Variants in PPFIBP1 observed in about 807,000 individuals in gnomAD.
The protein encoded by PPFIBP1 is liprin-beta-1.
Under a neutral mutation model 137.8 loss-of-function variants are expected in PPFIBP1, and 112 were observed. That is an observed-to-expected ratio of 0.81 (90% confidence interval 0.70 to 0.95). The LOEUF is 0.95. PPFIBP1 is among the 40% of genes least tolerant of loss of function. The pLI, the probability that PPFIBP1 is intolerant of heterozygous loss-of-function variation, is 0.00. For missense variants in PPFIBP1, 1,083 were observed against 1,196.6 expected, an observed-to-expected ratio of 0.91 and a Z score of 1.40; for synonymous variants, 378 against 417.3, an observed-to-expected ratio of 0.91 and a Z score of 1.15.
chr12:27,615,249 G>A (rs577017684), intron 2 of PPFIBP1, among the ~76,000 whole-genome samples: 2 of 152,146 alleles, frequency 1.3e-5, no homozygotes, highest in Non-Finnish European at 2.9e-5. Flanking sequence ...TTCCCGTGTC[G>A]CATGTTTTCA....
At chr12:27,634,013 T>G (rs1206511378) in intron 3 of PPFIBP1, among the ~76,000 whole-genome samples, 2 of 151,838 alleles carry the variant, frequency 1.3e-5, no homozygotes, top group Non-Finnish European at 2.9e-5. Flanking sequence ...ATTTTTGTAT[T>G]TTTAGTAGAG....
At chr12:27,615,785 GCAGGGT>G (rs1555215708) in intron 2 of PPFIBP1, among the ~76,000 whole-genome samples, 1 of 152,110 alleles carries the variant, frequency 6.6e-6, no homozygotes, top group Non-Finnish European at 1.5e-5. Flanking sequence ...TGTCCACAGG[GCAGGGT>G]CAGGGACCAG....
At chr12:27,611,916 A>G (rs1379025095) in intron 2 of PPFIBP1, among the ~76,000 whole-genome samples, 6 of 152,150 alleles carry the variant, frequency 3.9e-5, no homozygotes, top group South Asian at 2.1e-4. Flanking sequence ...TTCCCCCTCA[A>G]GTCCATGACG....
In PPFIBP1 at chr12:27,687,462, CAAT is replaced by C. The variant is rs1456818853; in HGVS notation, c.2328_2330del (p.Asn777del). ...AAAGGGCCATCCAGGTCCTGAGGAT[CAAT>C]AACTTTGAACCAAACTGTCTACGGA... On this transcript the variant is annotated inframe_deletion, in exon 25 of 30. Transcript: ENST00000228425. 2 of 1,613,876 alleles carry C rather than the reference CAAT, an allele frequency of 1.2e-6. No homozygotes were observed. Among genetic ancestry groups the C allele is most frequent in the Non-Finnish European group, 1.7e-6 (2 of 1,179,908 alleles).
At chr12:27,675,024 T>C (rs1439156985) in intron 17 of PPFIBP1, among the ~76,000 whole-genome samples, 1 of 151,440 alleles carries the variant, frequency 6.6e-6, no homozygotes, top group Non-Finnish European at 1.5e-5. Context: ...ATTTTTTAAG[T>C]ACAGATGAGA....
chr12:27,615,171 T>G (rs2055607134), intron 2 of PPFIBP1, among the ~76,000 whole-genome samples: 1 of 152,212 alleles, frequency 6.6e-6, no homozygotes, highest in Admixed American at 6.5e-5. Flanking sequence ...GTATATCTCT[T>G]AAGATCCTAT....
chr12:27,652,835 G>A (rs1289592258), intron 7 of PPFIBP1, among the ~76,000 whole-genome samples: 2 of 152,142 alleles, frequency 1.3e-5, no homozygotes, highest in African/African-American at 4.8e-5. Flanking sequence ...CTCATATTAT[G>A]CAAGGATGAT....
intron 29 of PPFIBP1, 29 bp from the exon 30 acceptor site, chr12:27,692,767 G>T: frequency 6.2e-7 from 1 of 1,614,042 alleles, no homozygotes; most frequent in Non-Finnish European, 8.5e-7. Flanking sequence ...TTGGCTCTCA[G>T]TGTGACTCCC....
Position 27,694,781 on chromosome 12 carries a change from A to G in PPFIBP1, c.*1899A>G, listed in dbSNP as rs1229280639. The G allele has an allele frequency of 6.6e-6, 1 of 152,224 alleles. No homozygotes were observed. The highest frequency in any genetic ancestry group is 1.5e-5 in the Non-Finnish European group (1 of 68,040). 9.4% of individuals were successfully genotyped at this position (152,224 alleles called of 1,614,324 possible). On this transcript the variant is annotated 3_prime_UTR_variant, in exon 30 of 30. Coordinates refer to ENST00000228425, the MANE Select transcript of PPFIBP1 (RefSeq NM_003622.4). ...CCCATGGTAGCCAACCCTACAAAAG[A>G]CAGGTTTTCACAAATTGAGGTGGAG...
At chr12:27,691,549 C>T (rs919146152) in intron 27 of PPFIBP1, among the ~76,000 whole-genome samples, 200 bp from the exon 28 acceptor site, 1 of 152,136 alleles carries the variant, frequency 6.6e-6, no homozygotes, top group Non-Finnish European at 1.5e-5. Context: ...ATCATTGCAT[C>T]ATTTATATGC....
chr12:27,568,411 T>A lies in PPFIBP1; in HGVS notation c.-123-9741T>A, dbSNP rs551508437. 2.6e-5 allele frequency among the ~76,000 whole-genome samples: 4 copies of A among 152,290 alleles called. No individual in the cohort carries two copies. In the South Asian group the frequency reaches 6.2e-4, roughly 24 times the overall value. On this transcript the variant is annotated intron_variant, in intron 1 of 29. Transcript: ENST00000228425. ...AAGTGATATATTAAGCTTAGGATAG[T>A]GTGTTTAATTACTGCTTTCTGTAGA...
intron 1 of PPFIBP1, chr12:27,538,185 C>G (rs984487450): frequency 6.6e-6 from 1 of 152,316 alleles, no homozygotes; most frequent in African/African-American, 2.4e-5. Flanking sequence ...TATCGCTCTT[C>G]TCTTTGCTTA....
intron 5 of PPFIBP1, 148 bp downstream of exon 5, chr12:27,646,296 G>C: frequency 1.4e-6 from 1 of 694,344 alleles, no homozygotes; most frequent in Non-Finnish European, 2.6e-6. Context: ...GGAGTGGTGA[G>C]GATTGGGGCA....
intron 2 of PPFIBP1, among the ~76,000 whole-genome samples, chr12:27,619,109 GT>G (rs1180255380): frequency 1.3e-5 from 2 of 152,068 alleles, no homozygotes; most frequent in Non-Finnish European, 2.9e-5. Context: ...ATGACATTCA[GT>G]TTTTATATAC....
chr12:27,592,460 A>G (rs2052636553), intron 2 of PPFIBP1: 5 of 1,021,120 alleles, frequency 4.9e-6, no homozygotes, highest in Non-Finnish European at 1.4e-6. Flanking sequence ...AAATCTGTCT[A>G]TATAGGATGT....
At chr12:27,598,411 G>A (rs907641075) in intron 2 of PPFIBP1, among the ~76,000 whole-genome samples, 1 of 152,140 alleles carries the variant, frequency 6.6e-6, no homozygotes, top group East Asian at 1.9e-4. Context: ...GCGTGGGAAA[G>A]ACCCACCCCC....
At chr12:27,611,431 C>A (rs2055098514) in intron 2 of PPFIBP1, among the ~76,000 whole-genome samples, 1 of 152,106 alleles carries the variant, frequency 6.6e-6, no homozygotes, top group Non-Finnish European at 1.5e-5. Flanking sequence ...ATAAGGATTC[C>A]AGTCATACTG....
In PPFIBP1 at chr12:27,682,415, G is replaced by A. The variant is rs367618122; in HGVS notation, c.2075G>A (p.Arg692Gln). 27 of 1,613,576 alleles carry A rather than the reference G, an allele frequency of 1.7e-5. No individual in the cohort carries two copies. The highest frequency in any genetic ancestry group is 8.0e-5 in the African/African-American group (6 of 75,024). Reference protein sequence around the residue: ...KELGIKHSLHRKKLQLALQAL... With the variant: ...KELGIKHSLHQKKLQLALQAL... ...CTTGGAATCAAGCATTCACTTCATCGAAAGAAACTCCAGCTAGCACTCCAA... is the reference window on the plus strand; with the variant it reads ...CTTGGAATCAAGCATTCACTTCATCAAAAGAAACTCCAGCTAGCACTCCAA... Residue 692 changes from arginine (R) to glutamine (Q), a missense_variant, in exon 23 of 30, where the codon CGA (arginine) becomes CAA (glutamine). Coordinates refer to ENST00000228425, the MANE Select transcript of PPFIBP1 (RefSeq NM_003622.4).
At chr12:27,587,346 G>A (rs962113344) in intron 2 of PPFIBP1, among the ~76,000 whole-genome samples, 2 of 152,090 alleles carry the variant, frequency 1.3e-5, no homozygotes, top group Non-Finnish European at 2.9e-5. Flanking sequence ...TGTTGGCCAG[G>A]CGCAGTGGCT....
Sources: gnomAD v4.1 joint callset for allele counts (sites outside exome capture counted in the v4.1 genomes callset) on GRCh38, gnomAD v4.1.1 for gene constraint, MANE v1.5 for transcripts, NCBI Gene and HGNC (gene_info 2026-07-23, HGNC 2026-07-21) for gene names.